SERPING1: variants seen among roughly 807,000 people sequenced by gnomAD.
SERPING1 encodes plasma protease C1 inhibitor.
A neutral mutation model predicts 34.1 loss-of-function variants in SERPING1; 5 were observed. The observed-to-expected ratio is 0.15, with a 90% confidence interval of 0.08 to 0.31. The LOEUF is 0.31. Among genes scored for constraint, SERPING1 ranks in the 10% least tolerant of loss-of-function variants. The pLI is 1.00. For missense variants in SERPING1, 505 were observed against 609.5 expected, an observed-to-expected ratio of 0.83 and a Z score of 1.81; for synonymous variants, 225 against 242.4, an observed-to-expected ratio of 0.93 and a Z score of 0.67.
chr11:57,611,088 C>A (rs2135323816), intron 6 of SERPING1: 1 of 154,560 alleles, frequency 6.5e-6, no homozygotes, highest in South Asian at 2.0e-4. Context: ...GCACGTGCCA[C>A]CACCCAGCTA....
chr11:57,608,854 T>G (rs1945443357), intron 6 of SERPING1, among the ~76,000 whole-genome samples: 1 of 151,500 alleles, frequency 6.6e-6, no homozygotes, highest in African/African-American at 2.4e-5. Context: ...GGAGGAGTAG[T>G]TTTGTGCACA....
intron 3 of SERPING1, 141 bp downstream of exon 3, chr11:57,600,518 T>TCTGTG: frequency 1.1e-6 from 1 of 881,530 alleles, no homozygotes. Flanking sequence ...GGTAGAGGGA[T>TCTGTG]GTATCTTTTC....
Position 57,614,614 on chromosome 11 carries a change from C to A in SERPING1, c.*33C>A. 6.2e-7 allele frequency: 1 copy of A among 1,605,424 alleles called. No individual in the cohort carries two copies. The highest frequency in any genetic ancestry group is 1.1e-5 in the South Asian group (1 of 90,534). On this transcript the variant is annotated 3_prime_UTR_variant, in exon 8 of 8. Coordinates refer to ENST00000278407, the MANE Select transcript of SERPING1 (RefSeq NM_000062.3). Reference sequence around the variant, plus strand: ...AGGATCAGGTTAGGGCGAGCGCTACCTCTCCAGCCTCAGCTCTCAGTTGCA... The same window carrying A: ...AGGATCAGGTTAGGGCGAGCGCTACATCTCCAGCCTCAGCTCTCAGTTGCA...
chr11:57,598,464 G>A (rs1945312691), intron 2 of SERPING1, 143 bp downstream of exon 2: 1 of 784,350 alleles, frequency 1.3e-6, no homozygotes, highest in Non-Finnish European at 2.1e-6. Flanking sequence ...TGTGATCCTT[G>A]CACACGCACT....
intron 4 of SERPING1, among the ~76,000 whole-genome samples, chr11:57,603,560 C>T (rs11229065): frequency 0.028 from 4,129 of 149,378 alleles, 108 homozygotes; most frequent in South Asian, 0.092. Flanking sequence ...AAAAAAAGGC[C>T]GGGCGCGGTG....
Position 57,614,420 on chromosome 11 carries a change from G to A in SERPING1, c.1342G>A (p.Glu448Lys). ...TGCGATGCAGCACCAGACAGTGCTGGAACTGACAGAGACTGGGGTGGAGGC... is the reference window on the plus strand; with the variant it reads ...TGCGATGCAGCACCAGACAGTGCTGAAACTGACAGAGACTGGGGTGGAGGC... ...VSAMQHQTVL[E>K]LTETGVEAAA... The change falls in exon 8 of 8, where the codon GAA becomes AAA. Residue 448 changes from glutamate (E) to lysine (K), a missense_variant. Transcript: ENST00000278407. 6.2e-7 allele frequency: 1 copy of A among 1,614,120 alleles called. No individual in the cohort carries two copies. Among genetic ancestry groups the A allele is most frequent in the South Asian group, 1.1e-5 (1 of 91,082 alleles).
At chr11:57,598,349 CG>C in intron 2 of SERPING1, 28 bp downstream of exon 2, 2 of 1,527,380 alleles carry the variant, frequency 1.3e-6, no homozygotes, top group Middle Eastern at 1.9e-4. Flanking sequence ...GGATGGGGGA[CG>C]GGGGTGGAGA....
intron 1 of SERPING1, 35 bp from the exon 2 acceptor site, chr11:57,598,214 G>T: frequency 2.0e-6 from 3 of 1,518,144 alleles, no homozygotes; most frequent in Non-Finnish European, 2.7e-6. Flanking sequence ...GGCTCCCAGG[G>T]TGGGAGCTGG....
At chr11:57,598,188 G>GGGGTGGGGGCCC in intron 1 of SERPING1, 61 bp from the exon 2 acceptor site, 1 of 1,334,952 alleles carries the variant, frequency 7.5e-7, no homozygotes, top group Non-Finnish European at 1.0e-6. Flanking sequence ...GGCCCCGGGC[G>GGGGTGGGGGCCC]GGGTGGGGGC....
rs1945356054 is a variant in SERPING1, at chr11:57,602,220, T to G, written c.685+51T>G. 4 of 1,606,374 alleles carry G rather than the reference T, an allele frequency of 2.5e-6. No individual in the cohort carries two copies. In the East Asian group the frequency reaches 8.9e-5, roughly 36 times the overall value. On this transcript the variant is annotated intron_variant, in intron 4 of 7. Transcript: ENST00000278407. ...CTGCAGAGGAGGGTCCTGAGAGGAC[T>G]CTGAAGGGGGACCCAGCGCTGGGGA...
intron 4 of SERPING1, chr11:57,605,741 C>CA: frequency 3.9e-6 from 2 of 515,090 alleles, no homozygotes; most frequent in Non-Finnish European, 3.5e-6. Flanking sequence ...TTTAATATCT[C>CA]AAAAAGATTA....
At chr11:57,601,816 A>G (rs987142056) in intron 3 of SERPING1, among the ~76,000 whole-genome samples, 5 of 137,880 alleles carry the variant, frequency 3.6e-5, no homozygotes, top group Admixed American at 2.5e-4. Flanking sequence ...AGATTGCACC[A>G]CTGCATTCCA....
At chr11:57,612,963 T>C (rs1259832127) in intron 7 of SERPING1, among the ~76,000 whole-genome samples, 6 of 151,226 alleles carry the variant, frequency 4.0e-5, no homozygotes. Flanking sequence ...GTGAAGCTGG[T>C]CTTGAACTCC....
chr11:57,611,579 C>A (rs1365747742), intron 6 of SERPING1, 138 bp from the exon 7 acceptor site: 2 of 845,282 alleles, frequency 2.4e-6, no homozygotes, highest in Non-Finnish European at 4.0e-6. Context: ...CATGGTAAAG[C>A]CTGGAAGCTT....
intron 7 of SERPING1, among the ~76,000 whole-genome samples, chr11:57,612,258 A>C (rs1945485415): frequency 1.3e-5 from 2 of 152,162 alleles, no homozygotes; most frequent in Admixed American, 6.6e-5. Flanking sequence ...GAACAGTGGG[A>C]CAGGTAACCG....
intron 6 of SERPING1, among the ~76,000 whole-genome samples, chr11:57,608,615 C>A (rs1460892601): frequency 1.3e-5 from 2 of 152,088 alleles, no homozygotes; most frequent in Admixed American, 1.3e-4. Context: ...CAGGTTCAAG[C>A]GATTCTCCTG....
chr11:57,612,083 A>C, intron 7 of SERPING1, 147 bp downstream of exon 7: 1 of 739,916 alleles, frequency 1.4e-6, no homozygotes, highest in South Asian at 1.5e-5. Flanking sequence ...GGTAGGTGCT[A>C]TTATCCCATT....
In SERPING1 at chr11:57,606,224, C is replaced by A; in HGVS notation, c.889+11C>A. On this transcript the variant is annotated intron_variant, in intron 5 of 7. Transcript: ENST00000278407. ...CTATCTACCTGAGTGGTAAGGGTGC[C>A]CTTAGCCAGTTAGTCTTCCCATTCT... 6.2e-7 allele frequency: 1 copy of A among 1,614,110 alleles called. No homozygotes were observed. The highest frequency in any genetic ancestry group is 8.5e-7 in the Non-Finnish European group (1 of 1,179,986).
At chr11:57,598,914 TA>T (rs1214085020) in intron 2 of SERPING1, among the ~76,000 whole-genome samples, 1 of 142,162 alleles carries the variant, frequency 7.0e-6, no homozygotes, top group Non-Finnish European at 1.5e-5. Flanking sequence ...GAAAGGTAGG[TA>T]GGGGTGTGTG....
Sources: allele counts gnomAD v4.1 joint callset (sites outside exome capture counted in the v4.1 genomes callset), GRCh38; gene constraint gnomAD v4.1.1; transcripts MANE v1.5; gene names NCBI Gene and HGNC (gene_info 2026-07-23, HGNC 2026-07-21).